Variants in NEGR1 observed in about 807,000 individuals in gnomAD.
NEGR1 encodes IgLON family member 4.
Under a neutral mutation model 40.9 loss-of-function variants are expected in NEGR1, and 10 were observed. The observed-to-expected ratio is 0.24, with a 90% CI of 0.15 to 0.42. The LOEUF is 0.42. Ranked by LOEUF, NEGR1 falls within the 10% of genes least tolerant of loss-of-function variation. The pLI, the probability that NEGR1 is intolerant of heterozygous loss-of-function variation, is 1.00. For synonymous variants in NEGR1, 185 were observed against 166.8 expected, an observed-to-expected ratio of 1.11 and a Z score of -0.84; for missense variants, 352 against 438.9, an observed-to-expected ratio of 0.80 and a Z score of 1.77.
At chr1:71,446,574 G>A (rs946926876) in intron 6 of NEGR1, among the ~76,000 whole-genome samples, 7 of 152,128 alleles carry the variant, frequency 4.6e-5, no homozygotes, top group African/African-American at 1.7e-4. Context: ...TGGAAATTTA[G>A]TTAGCATGTT....
chr1:71,883,989 ATT>A (rs35994056), intron 2 of NEGR1, among the ~76,000 whole-genome samples: 3 of 150,258 alleles, frequency 2.0e-5, no homozygotes, highest in Non-Finnish European at 4.4e-5. Flanking sequence ...CCTTATTAAC[ATT>A]TTTTTTTTAC....
chr1:72,171,661 C>A (rs907086871), intron 1 of NEGR1, among the ~76,000 whole-genome samples: 1 of 152,056 alleles, frequency 6.6e-6, no homozygotes. Flanking sequence ...CAATATCTGA[C>A]CTATGTGAAA....
At chr1:72,014,780 T>C (rs904647363) in intron 1 of NEGR1, among the ~76,000 whole-genome samples, 4 of 152,050 alleles carry the variant, frequency 2.6e-5, no homozygotes, top group African/African-American at 9.7e-5. Flanking sequence ...ATTTAACTAA[T>C]ATCTCCTCAT....
chr1:72,121,678 G>A (rs1321921666), intron 1 of NEGR1, among the ~76,000 whole-genome samples: 1 of 151,832 alleles, frequency 6.6e-6, no homozygotes, highest in Non-Finnish European at 1.5e-5. Flanking sequence ...AATATGATGA[G>A]TCTATCAATT....
chr1:72,078,736 T>C (rs972536548), intron 1 of NEGR1, among the ~76,000 whole-genome samples: 1 of 150,618 alleles, frequency 6.6e-6, no homozygotes, highest in Non-Finnish European at 1.5e-5. Flanking sequence ...GCCTCCTGGG[T>C]TCAAGTGATT....
At chr1:71,955,346 T>G (rs1010539418) in intron 1 of NEGR1, among the ~76,000 whole-genome samples, 1 of 152,126 alleles carries the variant, frequency 6.6e-6, no homozygotes, top group African/African-American at 2.4e-5. Context: ...AGGAATTCTA[T>G]TAAGTGGTAG....
At chr1:72,127,339 C>T (rs1163771311) in intron 1 of NEGR1, among the ~76,000 whole-genome samples, 2 of 151,560 alleles carry the variant, frequency 1.3e-5, no homozygotes, top group Non-Finnish European at 2.9e-5. Flanking sequence ...TGGCGGGCGC[C>T]TGTAGTCCCA....
At chr1:72,268,028 G>A (rs561703407) in intron 1 of NEGR1, among the ~76,000 whole-genome samples, 1 of 151,358 alleles carries the variant, frequency 6.6e-6, no homozygotes, top group African/African-American at 2.4e-5. Flanking sequence ...ATATGTGTGA[G>A]GTCGCCATGT....
intron 4 of NEGR1, among the ~76,000 whole-genome samples, chr1:71,623,600 A>G (rs562877748): frequency 6.6e-6 from 1 of 152,074 alleles, no homozygotes; most frequent in South Asian, 2.1e-4. Context: ...ACTTCTATTT[A>G]TGGAGAAAGA....
intron 1 of NEGR1, among the ~76,000 whole-genome samples, chr1:72,020,796 A>G (rs919274256): frequency 6.6e-6 from 1 of 152,232 alleles, no homozygotes; most frequent in African/African-American, 2.4e-5. Flanking sequence ...ATTTTTATAC[A>G]GCTTCAATAT....
At chr1:71,834,636 G>GGAGGCT (rs1658953716) in intron 2 of NEGR1, among the ~76,000 whole-genome samples, 1 of 151,948 alleles carries the variant, frequency 6.6e-6, no homozygotes, top group Non-Finnish European at 1.5e-5. Flanking sequence ...AACACATTGT[G>GGAGGCT]GAAATTCTCA....
intron 2 of NEGR1, among the ~76,000 whole-genome samples, chr1:71,926,939 T>C (rs947809741): frequency 6.6e-6 from 1 of 152,164 alleles, no homozygotes; most frequent in Non-Finnish European, 1.5e-5. Context: ...TTTCTCTTTC[T>C]GCTACTTCTT....
intron 6 of NEGR1, among the ~76,000 whole-genome samples, chr1:71,578,163 C>A (rs559834567): frequency 1.3e-4 from 20 of 152,250 alleles, no homozygotes; most frequent in African/African-American, 4.6e-4. Context: ...TGCTGATTAA[C>A]AGTGATGCTG....
intron 2 of NEGR1, among the ~76,000 whole-genome samples, chr1:71,784,369 G>A (rs1172444070): frequency 1.3e-5 from 2 of 151,266 alleles, no homozygotes; most frequent in African/African-American, 2.4e-5. Flanking sequence ...AAGATCCTCA[G>A]AATATTTATT....
At chr1:72,165,442 A>G (rs1010923362) in intron 1 of NEGR1, among the ~76,000 whole-genome samples, 1 of 152,038 alleles carries the variant, frequency 6.6e-6, no homozygotes, top group African/African-American at 2.4e-5. Context: ...ATTCTACTGA[A>G]GCTATGACAC....
chr1:72,205,316 GA>G (rs1190727593), intron 1 of NEGR1, among the ~76,000 whole-genome samples: 1 of 151,716 alleles, frequency 6.6e-6, no homozygotes, highest in Non-Finnish European at 1.5e-5. Flanking sequence ...TTAAAGTATG[GA>G]AAAACCAAAT....
At chr1:72,030,075 T>C (rs899744442) in intron 1 of NEGR1, among the ~76,000 whole-genome samples, 2 of 151,680 alleles carry the variant, frequency 1.3e-5, no homozygotes, top group African/African-American at 4.8e-5. Context: ...GTAAAAAATA[T>C]AAAGCCAGCC....
chr1:71,706,815 G>A lies in NEGR1; in HGVS notation c.536-8676C>T, dbSNP rs1053698860. On this transcript the variant is annotated intron_variant, in intron 3 of 6. Coordinates refer to ENST00000357731, the MANE Select transcript of NEGR1 (RefSeq NM_173808.3). ...CCAGCATTCATCACCTGCTAACTAA[G>A]GAACACTGGGCCCTGAATAACCAGC... Among the ~76,000 whole-genome samples the A allele has an allele frequency of 2.0e-5, 3 of 151,842 alleles. No individual in the cohort carries two copies. The South Asian group carries it at 6.2e-4, about 32-fold the overall frequency.
intron 2 of NEGR1, among the ~76,000 whole-genome samples, chr1:71,879,006 G>A (rs1324042957): frequency 6.6e-6 from 1 of 152,058 alleles, no homozygotes; most frequent in Non-Finnish European, 1.5e-5. Flanking sequence ...GGTGGTGCAT[G>A]CCTGTAATCT....
Sources: allele counts gnomAD v4.1 joint callset (sites outside exome capture counted in the v4.1 genomes callset), GRCh38; gene constraint gnomAD v4.1.1; transcripts MANE v1.5; gene names NCBI Gene and HGNC (gene_info 2026-07-23, HGNC 2026-07-21).